Variants in TFDP2 observed in about 807,000 individuals in gnomAD.
TFDP2 encodes the protein transcription factor Dp-2.
Under a neutral mutation model 59.3 loss-of-function variants are expected in TFDP2, and 17 were observed. The observed-to-expected ratio is 0.29, with a 90% CI of 0.20 to 0.43. The LOEUF is 0.43. Ranked by LOEUF, TFDP2 falls within the 20% of genes least tolerant of loss-of-function variation. The probability of loss-of-function intolerance (pLI) is 1.00; values close to 1 mark genes in which losing one functional copy is unlikely to be tolerated. For missense variants in TFDP2, 391 were observed against 528.8 expected, an observed-to-expected ratio of 0.74 and a Z score of 2.56; for synonymous variants, 180 against 194.7, an observed-to-expected ratio of 0.92 and a Z score of 0.63.
chr3:142,093,226 T>G, intron 2 of TFDP2, 99 bp from the exon 3 acceptor site: 1 of 675,530 alleles, frequency 1.5e-6, no homozygotes. Context: ...CCATATCAAA[T>G]ATATATAGCC....
chr3:142,124,579 G>C (rs1343034147), intron 1 of TFDP2, among the ~76,000 whole-genome samples: 2 of 152,080 alleles, frequency 1.3e-5, no homozygotes, highest in Non-Finnish European at 2.9e-5. Flanking sequence ...ATAGCCCATA[G>C]AATTCAACGT....
chr3:142,003,935 A>T (rs1362647742), intron 4 of TFDP2, among the ~76,000 whole-genome samples: 1 of 152,228 alleles, frequency 6.6e-6, no homozygotes, highest in African/African-American at 2.4e-5. Context: ...AATAGAAAAT[A>T]ATCTCTCAAA....
intron 3 of TFDP2, 68 bp downstream of exon 3, chr3:142,092,993 G>T: frequency 9.7e-7 from 1 of 1,029,356 alleles, no homozygotes; most frequent in Non-Finnish European, 1.4e-6. Flanking sequence ...TCATGTAGCT[G>T]CATATTTTAC....
chr3:142,006,428 C>G (rs1420139527), intron 3 of TFDP2, among the ~76,000 whole-genome samples: 1 of 151,966 alleles, frequency 6.6e-6, no homozygotes, highest in Non-Finnish European at 1.5e-5. Context: ...CAGATGACCC[C>G]CATCTTCCAA....
chr3:142,101,417 C>T (rs1051664491), intron 2 of TFDP2, among the ~76,000 whole-genome samples: 2 of 150,300 alleles, frequency 1.3e-5, no homozygotes, highest in Non-Finnish European at 3.0e-5. Flanking sequence ...GGCCAAGTAA[C>T]CCTCCAGCAA....
At chr3:142,000,418 C>A in intron 4 of TFDP2, 2 of 641,682 alleles carry the variant, frequency 3.1e-6, no homozygotes, top group South Asian at 1.8e-5. Flanking sequence ...TAATTCCACT[C>A]ATAAGGGTGA....
chr3:142,057,398 T>C (rs2059781594), intron 3 of TFDP2, among the ~76,000 whole-genome samples: 1 of 152,220 alleles, frequency 6.6e-6, no homozygotes, highest in Non-Finnish European at 1.5e-5. Flanking sequence ...CTCTAAAATC[T>C]TGGATTAGCT....
chr3:142,051,043 C>T (rs1947600116), intron 3 of TFDP2, among the ~76,000 whole-genome samples: 2 of 152,112 alleles, frequency 1.3e-5, no homozygotes, highest in African/African-American at 2.4e-5. Context: ...ATAACAAAAT[C>T]GAAAGATTAC....
chr3:142,110,468 T>C (rs1336178530), intron 1 of TFDP2, among the ~76,000 whole-genome samples: 2 of 151,128 alleles, frequency 1.3e-5, no homozygotes, highest in African/African-American at 4.9e-5. Context: ...CATGCCACTG[T>C]ACTCCAGCCT....
intron 2 of TFDP2, 63 bp from the exon 3 acceptor site, chr3:142,093,190 G>T: frequency 8.9e-7 from 1 of 1,122,692 alleles, no homozygotes; most frequent in Non-Finnish European, 1.3e-6. Flanking sequence ...CACTTAACAA[G>T]CTATTTTATA....
At chr3:142,040,998 C>T (rs964408769) in intron 3 of TFDP2, among the ~76,000 whole-genome samples, 2 of 152,114 alleles carry the variant, frequency 1.3e-5, no homozygotes, top group Non-Finnish European at 2.9e-5. Flanking sequence ...GTCCTATGTG[C>T]CTTTTCTTTT....
chr3:141,974,066 C>T lies in TFDP2; in HGVS notation c.645G>A (p.Gln215=), dbSNP rs2108023188. ...CACTTACCTCCAGATTCTGACATTC[C>T]TGAGCAGAATTGGTAGGCAGGCCAA... The part of the protein sequence containing the change: ...KWIGLPTNSA[Q]ECQNLEIEKQ... The change falls in exon 8 of 13, where the codon CAG becomes CAA. Residue 215 remains glutamine (Q), a synonymous_variant. Coordinates refer to ENST00000489671, the MANE Select transcript of TFDP2 (RefSeq NM_001178139.2). 6.2e-7 allele frequency: 1 copy of T among 1,610,948 alleles called. No individual in the cohort carries two copies. Among genetic ancestry groups the T allele is most frequent in the Non-Finnish European group, 8.5e-7 (1 of 1,179,032 alleles).
At chr3:142,080,814 C>A (rs954614215) in intron 3 of TFDP2, among the ~76,000 whole-genome samples, 7 of 152,164 alleles carry the variant, frequency 4.6e-5, no homozygotes, top group African/African-American at 1.7e-4. Flanking sequence ...ATGTACCCAA[C>A]ACTGGAGCAC....
At chr3:142,015,663 G>A (rs1945077537) in intron 3 of TFDP2, among the ~76,000 whole-genome samples, 1 of 152,144 alleles carries the variant, frequency 6.6e-6, no homozygotes, top group African/African-American at 2.4e-5. Flanking sequence ...GCTCCATGCT[G>A]CTGCCCACCC....
chr3:142,024,447 G>A (rs746048353), intron 3 of TFDP2, among the ~76,000 whole-genome samples: 9 of 152,018 alleles, frequency 5.9e-5, no homozygotes, highest in Non-Finnish European at 1.2e-4. Flanking sequence ...AATGTAAAAG[G>A]TTTTCTCTTC....
intron 6 of TFDP2, among the ~76,000 whole-genome samples, chr3:141,981,658 T>C (rs144487852): frequency 6.6e-6 from 1 of 152,288 alleles, no homozygotes; most frequent in East Asian, 1.9e-4. Flanking sequence ...TGGTATTAAG[T>C]AGTGGAGTAG....
intron 9 of TFDP2, among the ~76,000 whole-genome samples, chr3:141,965,914 T>G (rs566811061): frequency 6.6e-6 from 1 of 152,094 alleles, no homozygotes; most frequent in Admixed American, 6.5e-5. Flanking sequence ...GAAAAAGAAT[T>G]ACATGCTTAA....
Position 142,111,901 on chromosome 3 carries a change from A to G in TFDP2, c.-92-10060T>C, listed in dbSNP as rs183547690. On this transcript the variant is annotated intron_variant, in intron 1 of 12. Coordinates refer to ENST00000489671, the MANE Select transcript of TFDP2 (RefSeq NM_001178139.2). ...GACAACATAGCGAAACCCCATCTCT[A>G]CTAAAAATACAAAAATTAGCTGGAT... Among the ~76,000 whole-genome samples, 4 of 152,264 alleles carry G rather than the reference A, an allele frequency of 2.6e-5. No individual in the cohort carries two copies. In the East Asian group the frequency reaches 5.8e-4, roughly 22 times the overall value.
Position 142,059,072 on chromosome 3 carries a change from A to G in TFDP2, c.82+33989T>C, listed in dbSNP as rs551704466. Among the ~76,000 whole-genome samples, 22 of 152,334 alleles carry G rather than the reference A, an allele frequency of 1.4e-4. No individual in the cohort carries two copies. The South Asian group carries it at 4.4e-3, about 30-fold the overall frequency. On this transcript the variant is annotated intron_variant, in intron 3 of 12. Coordinates refer to ENST00000489671, the MANE Select transcript of TFDP2 (RefSeq NM_001178139.2). Reference sequence around the variant, plus strand: ...TGTGTGCCAGAACTGGAGGCAATGAACAAAATTTATTTTTTATTATACACA... The same window carrying G: ...TGTGTGCCAGAACTGGAGGCAATGAGCAAAATTTATTTTTTATTATACACA...
Sources: allele counts gnomAD v4.1 joint callset (sites outside exome capture counted in the v4.1 genomes callset), GRCh38; gene constraint gnomAD v4.1.1; transcripts MANE v1.5; gene names NCBI Gene and HGNC (gene_info 2026-07-23, HGNC 2026-07-21).